Variants in YY1 observed in about 807,000 individuals in gnomAD.
The protein encoded by YY1 is transcriptional repressor protein YY1.
Under a neutral mutation model 35.6 loss-of-function variants are expected in YY1, and 2 were observed. The observed-to-expected ratio is 0.06, with a 90% CI of 0.02 to 0.18. YY1 has a LOEUF of 0.18. Ranked by LOEUF, YY1 falls within the 10% of genes least tolerant of loss-of-function variation. The pLI, the probability that YY1 is intolerant of heterozygous loss-of-function variation, is 1.00. For missense variants in YY1, 322 were observed against 573.4 expected (o/e 0.56, Z 4.48); for synonymous variants, 268 against 238.9 (o/e 1.12, Z -1.12).
rs1891389597 is a variant in YY1, at chr14:100,279,956, T to G, written c.*2356T>G. On this transcript the variant is annotated 3_prime_UTR_variant, in exon 5 of 5. Transcript: ENST00000262238. ...GTGCCTTGATCCCTTGGGGGTGCCT[T>G]TGGTCATCTCTTCTGTCCTTTCCTG... 6.6e-6 allele frequency: 1 copy of G among 152,358 alleles called. No homozygotes were observed. 9.4% of individuals were successfully genotyped at this position (152,358 alleles called of 1,614,324 possible). A position where few individuals can be genotyped will look rare whatever the true frequency, so the allele number is the denominator to read the frequency against.
At chr14:100,268,990 T>C (rs1471019938) in intron 2 of YY1, among the ~76,000 whole-genome samples, 1 of 152,242 alleles carries the variant, frequency 6.6e-6, no homozygotes, top group East Asian at 1.9e-4. Context: ...AAGTCCACAA[T>C]CTTTACAACG....
intron 1 of YY1, among the ~76,000 whole-genome samples, chr14:100,260,775 T>C: frequency 6.6e-5 from 1 of 15,144 alleles, no homozygotes; most frequent in African/African-American, 3.4e-4. Flanking sequence ...CTGGTCCTTT[T>C]TTTTTTTTTT....
chr14:100,272,339 G>A (rs866508782), intron 2 of YY1, among the ~76,000 whole-genome samples: 1 of 151,510 alleles, frequency 6.6e-6, no homozygotes, highest in African/African-American at 2.4e-5. Flanking sequence ...AAATGTTCTC[G>A]TAGAATTTAA....
intron 1 of YY1, among the ~76,000 whole-genome samples, chr14:100,259,000 C>T (rs1188455958): frequency 1.3e-5 from 2 of 152,114 alleles, no homozygotes; most frequent in African/African-American, 2.4e-5. Flanking sequence ...TTGTAGATTT[C>T]GTTTTGGTTT....
chr14:100,269,193 G>A lies in YY1; in HGVS notation c.843-5505G>A, dbSNP rs189674161. The stretch of plus-strand genomic sequence containing the variant: ...CCAGTTTCTCAGTCCTTTATCGAAG[G>A]GTGGTTAAGAATGAACTCATTTTTA... On this transcript the variant is annotated intron_variant, in intron 2 of 4. Coordinates refer to ENST00000262238, the MANE Select transcript of YY1 (RefSeq NM_003403.5). Among the ~76,000 whole-genome samples the A allele has an allele frequency of 1.6e-3, 245 of 152,216 alleles. 1 individual carries two copies. The highest frequency in any genetic ancestry group is 5.6e-3 in the African/African-American group (234 of 41,516).
At chr14:100,261,556 C>T (rs1243991990) in intron 1 of YY1, among the ~76,000 whole-genome samples, 8 of 152,152 alleles carry the variant, frequency 5.3e-5, no homozygotes, top group African/African-American at 1.9e-4. Context: ...TGCACGGGAT[C>T]AAAACTGACC....
At chr14:100,263,160 C>T (rs934888306) in intron 2 of YY1, among the ~76,000 whole-genome samples, 1 of 152,216 alleles carries the variant, frequency 6.6e-6, no homozygotes, top group Non-Finnish European at 1.5e-5. Flanking sequence ...ATCCGCCTGC[C>T]TTGGCCTCCC....
intron 1 of YY1, among the ~76,000 whole-genome samples, chr14:100,241,049 C>G (rs976070190): frequency 5.9e-5 from 9 of 152,284 alleles, no homozygotes; most frequent in Middle Eastern, 6.8e-3. Flanking sequence ...AGGATCTTAT[C>G]TGCCTGTGTA....
In YY1 at chr14:100,262,499, A is replaced by G. The variant is rs907154436; in HGVS notation, c.842+33A>G. ...ATAAGAACTTTCCTTTCTTTTAATT[A>G]TAGAAAGTGCTTGAGTCTTGCCAGC... On this transcript the variant is annotated intron_variant, in intron 2 of 4. Transcript: ENST00000262238. The G allele has an allele frequency of 3.7e-6, 6 of 1,610,164 alleles. No homozygotes were observed. In the African/African-American group the frequency reaches 6.7e-5, roughly 18 times the overall value.
At position 100,279,003 on chromosome 14, in the gene YY1, A is replaced by T. The variant is rs143244678; in HGVS notation, c.*1403A>T. 1.3e-4 allele frequency: 20 copies of T among 152,356 alleles called. No homozygotes were observed. The highest frequency in any genetic ancestry group is 2.6e-4 in the Non-Finnish European group (18 of 68,034). The allele number at this position is 152,356 out of a possible 1,614,324, so 9.4% of individuals were successfully genotyped here. ...CTTATTAAATGCTAGCAATGTGGCA[A>T]TTGAGTGCCAGTAGCTTAATTTCAT... is the stretch of plus-strand genomic sequence containing the variant. On this transcript the variant is annotated 3_prime_UTR_variant, in exon 5 of 5. Transcript: ENST00000262238.
At chr14:100,273,959 G>A (rs1891283739) in intron 2 of YY1, among the ~76,000 whole-genome samples, 1 of 152,050 alleles carries the variant, frequency 6.6e-6, no homozygotes, top group Non-Finnish European at 1.5e-5. Context: ...CACATTACCA[G>A]GACTCTTGGT....
At chr14:100,271,802 G>A (rs549645881) in intron 2 of YY1, among the ~76,000 whole-genome samples, 9 of 152,100 alleles carry the variant, frequency 5.9e-5, no homozygotes, top group South Asian at 2.1e-4. Context: ...GTGCCACCAC[G>A]CCTGGCTAAC....
At chr14:100,255,853 T>A (rs749993149) in intron 1 of YY1, among the ~76,000 whole-genome samples, 1 of 152,230 alleles carries the variant, frequency 6.6e-6, no homozygotes. Context: ...CTCTCTTCAG[T>A]CTCCTTTGCA....
chr14:100,255,714 A>G (rs1297856700), intron 1 of YY1, among the ~76,000 whole-genome samples: 1 of 152,224 alleles, frequency 6.6e-6, no homozygotes, highest in Non-Finnish European at 1.5e-5. Flanking sequence ...AAAATTATGT[A>G]CAGACCATGC....
intron 2 of YY1, among the ~76,000 whole-genome samples, chr14:100,268,369 CT>C (rs1165790120): frequency 7.2e-5 from 11 of 152,174 alleles, no homozygotes; most frequent in Middle Eastern, 3.2e-3. Context: ...CTATGGATGA[CT>C]TTTTTTCCCG....
At chr14:100,249,940 A>G (rs907647130) in intron 1 of YY1, among the ~76,000 whole-genome samples, 4 of 151,568 alleles carry the variant, frequency 2.6e-5, no homozygotes, top group Middle Eastern at 3.4e-3. Flanking sequence ...CACCTAGCTA[A>G]TTTTGTATTT....
At position 100,277,336 on chromosome 14, in the gene YY1, C is replaced by G. The variant is rs768355967; in HGVS notation, c.1063-82C>G. 2.7e-6 allele frequency: 4 copies of G among 1,504,312 alleles called. No homozygotes were observed. The highest frequency in any genetic ancestry group is 3.7e-6 in the Non-Finnish European group (4 of 1,081,866). The allele number at this position is 1,504,312 out of a possible 1,614,324, so 93.2% of individuals were successfully genotyped here. A position where few individuals can be genotyped will look rare whatever the true frequency, so the allele number is the denominator to read the frequency against. On this transcript the variant is annotated intron_variant, in intron 4 of 4. Transcript: ENST00000262238. This position sits in a 1 kb window ranked among gnomAD's most constrained non-coding sequence, Gnocchi z 5.6. Reference sequence around the variant, plus strand: ...TGTTTGGTAAAATAAATAGGCTGTTCTCTAGCAAAGCAGTGAGCTCCTGAC... The same window carrying G: ...TGTTTGGTAAAATAAATAGGCTGTTGTCTAGCAAAGCAGTGAGCTCCTGAC...
chr14:100,243,364 G>A (rs1345352131), intron 1 of YY1, among the ~76,000 whole-genome samples: 4 of 152,202 alleles, frequency 2.6e-5, no homozygotes, highest in African/African-American at 4.8e-5. Context: ...TAGCCCCTTA[G>A]TTTGGAATGA....
At chr14:100,244,727 C>G (rs1427346283) in intron 1 of YY1, among the ~76,000 whole-genome samples, 1 of 151,280 alleles carries the variant, frequency 6.6e-6, no homozygotes, top group Non-Finnish European at 1.5e-5. Flanking sequence ...GGACCACAGG[C>G]TAATGTTTTA....
Sources: gnomAD v4.1 joint callset for allele counts (sites outside exome capture counted in the v4.1 genomes callset) on GRCh38, gnomAD v4.1.1 for gene constraint, Gnocchi (gnomAD v3.1) non-coding constraint, MANE v1.5 for transcripts, NCBI Gene and HGNC (gene_info 2026-07-23, HGNC 2026-07-21) for gene names.